Variants in SP140 observed in about 807,000 individuals in gnomAD.
The protein encoded by SP140 is SP140 nuclear body protein.
In SP140, 81 loss-of-function variants were observed where a neutral mutation model predicts 125.0. The ratio of observed to expected loss-of-function variants is 0.65; its 90% CI spans 0.54 to 0.78. The LOEUF (loss-of-function observed/expected upper bound fraction) is 0.78, where lower values mean the gene tolerates loss of function less well. SP140 is among the 30% of genes least tolerant of loss of function. SP140 has a pLI of 0.00. For missense variants in SP140, 858 were observed against 1,037.0 expected (o/e 0.83, Z 2.37); for synonymous variants, 312 against 354.0 (o/e 0.88, Z 1.33).
At chr2:230,212,202 G>A (rs1382493720) in intron 1 of SP140, 2 of 703,398 alleles carry the variant, frequency 2.8e-6, no homozygotes, top group Non-Finnish European at 2.6e-6. Flanking sequence ...TGCTGCGTTG[G>A]TGAATTGGCC....
chr2:230,189,937 C>G, the SP140 span, among the ~76,000 whole-genome samples: 1 of 152,194 alleles, frequency 6.6e-6, no homozygotes, highest in South Asian at 2.1e-4. Flanking sequence ...TTTATCCAGT[C>G]TAAATGCTGG....
chr2:230,217,351 A>G (rs2045329738), intron 3 of SP140, among the ~76,000 whole-genome samples: 3 of 152,096 alleles, frequency 2.0e-5, no homozygotes, highest in Admixed American at 1.3e-4. Context: ...TCCCAAAGGC[A>G]TCCTTAGTAG....
intron 10 of SP140, 123 bp from the exon 11 acceptor site, chr2:230,253,191 AAG>A (rs1430376059): frequency 4.5e-5 from 31 of 691,498 alleles, no homozygotes; most frequent in Non-Finnish European, 1.8e-5. Context: ...GAGAAGGAGA[AAG>A]AGGAGATGTA....
chr2:230,243,413 A>G (rs9288663), intron 4 of SP140, among the ~76,000 whole-genome samples: 73,318 of 151,978 alleles, frequency 0.48, 17,902 homozygotes, highest in Middle Eastern at 0.54. Flanking sequence ...TCTAGGAAAG[A>G]GAGGCTCCAA....
At chr2:230,285,077 A>G (rs2056182417) in intron 16 of SP140, among the ~76,000 whole-genome samples, 1 of 152,158 alleles carries the variant, frequency 6.6e-6, no homozygotes, top group African/African-American at 2.4e-5. Flanking sequence ...CTAGGAGAAT[A>G]TTTTTGCACA....
At position 230,287,958 on chromosome 2, in the gene SP140, G is replaced by T. The variant is rs201257053; in HGVS notation, c.1712G>T (p.Arg571Leu). ...QSDRAAQKRV[R>L]SRASRKHKDE... ...GACAGAGCTGCACAGAAAAGAGTCC[G>T]ATCAAGAGGTAAAAAAGAAAACAGG... The change falls in exon 18 of 27, where the codon CGA becomes CTA. Residue 571 changes from arginine (R) to leucine (L), a missense_variant. Coordinates refer to ENST00000392045, the MANE Select transcript of SP140 (RefSeq NM_007237.5). The T allele has an allele frequency of 1.9e-6, 3 of 1,611,054 alleles. No individual in the cohort carries two copies. Among genetic ancestry groups the T allele is most frequent in the Non-Finnish European group, 2.5e-6 (3 of 1,179,030 alleles).
At chr2:230,299,871 G>A (rs2058126087) in intron 22 of SP140, among the ~76,000 whole-genome samples, 1 of 152,128 alleles carries the variant, frequency 6.6e-6, no homozygotes, top group Non-Finnish European at 1.5e-5. Flanking sequence ...ACTGTATGAA[G>A]CAGCAGAGGC....
intron 1 of SP140, among the ~76,000 whole-genome samples, chr2:230,206,600 T>C (rs1386565118): frequency 2.7e-5 from 1 of 37,216 alleles, no homozygotes; most frequent in Non-Finnish European, 4.7e-5. Flanking sequence ...AGATTTTATA[T>C]ATATATATAT....
At chr2:230,191,355 GT>G in the SP140 span, among the ~76,000 whole-genome samples, 1 of 152,018 alleles carries the variant, frequency 6.6e-6, no homozygotes, top group African/African-American at 2.4e-5. Flanking sequence ...CCAGGAGCTG[GT>G]TTTTTGAAAA....
At chr2:230,247,874 GA>G in intron 7 of SP140, 41 bp from the exon 8 acceptor site, 2 of 1,592,368 alleles carry the variant, frequency 1.3e-6, no homozygotes, top group Non-Finnish European at 1.7e-6. Context: ...AAATTATATG[GA>G]AATTACATAC....
At position 230,237,187 on chromosome 2, in the gene SP140, G is replaced by A. The variant is rs148979437; in HGVS notation, c.164G>A (p.Ser55Asn). The A allele has an allele frequency of 3.3e-4, 534 of 1,613,594 alleles. 5 individuals are homozygous for A. In the African/African-American group the frequency reaches 6.1e-3, roughly 18 times the overall value. The change falls in exon 2 of 27, where the codon AGT (serine) becomes AAT (asparagine). Residue 55 changes from serine (S) to asparagine (N), a missense_variant. Coordinates refer to ENST00000392045, the MANE Select transcript of SP140 (RefSeq NM_007237.5). The surrounding 1 kb of genome is among the most constrained non-coding windows in gnomAD (Gnocchi z 5.4). ...AGAGAAAACAAGGTGGAGATTGCAA[G>A]TGCAATAACAAGGCCATTTCCTTTC... ...FFRENKVEIASAITRPFPFLM... is the reference protein window; with the variant it reads ...FFRENKVEIANAITRPFPFLM...
At chr2:230,212,281 G>A in intron 1 of SP140, 1 of 1,186,278 alleles carries the variant, frequency 8.4e-7, no homozygotes, top group South Asian at 1.2e-5. Flanking sequence ...CCTCTTGGTT[G>A]GCAGACGCAT....
chr2:230,270,834 T>C, intron 15 of SP140, 195 bp downstream of exon 15: 1 of 640,988 alleles, frequency 1.6e-6, no homozygotes. Context: ...AAAGGGACTT[T>C]ACAGATACAA....
chr2:230,285,432 C>T (rs1478851074), intron 16 of SP140, among the ~76,000 whole-genome samples: 2 of 152,126 alleles, frequency 1.3e-5, no homozygotes, highest in African/African-American at 2.4e-5. Flanking sequence ...AAAGTGGCTG[C>T]GTGCATTTTA....
At chr2:230,213,163 T>G in intron 1 of SP140, 1 of 823,400 alleles carries the variant, frequency 1.2e-6, no homozygotes, top group Non-Finnish European at 2.0e-6. Context: ...AGAGAACTGA[T>G]TCATTGTCAT....
At chr2:230,233,926 T>G (rs1399616070) in intron 1 of SP140, among the ~76,000 whole-genome samples, 1 of 152,328 alleles carries the variant, frequency 6.6e-6, no homozygotes, top group African/African-American at 2.4e-5. Context: ...GTGAAGAGTT[T>G]TACTTGGTGA....
chr2:230,208,182 AG>A (rs1486063800), intron 1 of SP140: 1 of 659,608 alleles, frequency 1.5e-6, no homozygotes, highest in East Asian at 2.7e-5. Context: ...TGGTGACCTT[AG>A]GTGATGGTAC....
intron 1 of SP140, 107 bp from the exon 2 acceptor site, chr2:230,236,976 T>C (rs961015852): frequency 1.4e-6 from 1 of 738,424 alleles, no homozygotes; most frequent in Non-Finnish European, 2.1e-6. Flanking sequence ...GCTTATTTTA[T>C]ACATGTTGGC....
chr2:230,240,549 A>C (rs894059881), intron 3 of SP140, among the ~76,000 whole-genome samples: 4 of 151,402 alleles, frequency 2.6e-5, no homozygotes, highest in Non-Finnish European at 5.9e-5. Context: ...AATGTCCAGC[A>C]AGAATATAAA....
Sources: gnomAD v4.1 joint callset for allele counts (sites outside exome capture counted in the v4.1 genomes callset) on GRCh38, gnomAD v4.1.1 for gene constraint, Gnocchi (gnomAD v3.1) non-coding constraint, MANE v1.5 for transcripts, NCBI Gene and HGNC (gene_info 2026-07-23, HGNC 2026-07-21) for gene names.